Variants in PAX5 observed in about 807,000 individuals in gnomAD.
The protein encoded by PAX5 is paired box 5, also known as paired box protein Pax-5.
In PAX5, 9 loss-of-function variants were observed where a neutral mutation model predicts 43.7. The observed-to-expected ratio is 0.21, with a 90% CI of 0.12 to 0.36. The LOEUF (loss-of-function observed/expected upper bound fraction) is 0.36. PAX5 is among the 10% of genes least tolerant of loss of function. The probability of loss-of-function intolerance (pLI) is 1.00; values close to 1 mark genes in which losing one functional copy is unlikely to be tolerated. For missense variants in PAX5, 383 were observed against 532.7 expected (o/e 0.72, Z 2.77); for synonymous variants, 228 against 214.3 (o/e 1.06, Z -0.56).
chr9:36,984,435 C>CTCTT (rs1836212405), intron 5 of PAX5, among the ~76,000 whole-genome samples: 3 of 66,874 alleles, frequency 4.5e-5, no homozygotes, highest in African/African-American at 6.6e-5. Context: ...TTGAACCTCT[C>CTCTT]TTTTTTTTTT....
chr9:36,862,879 T>C (rs560217895), intron 8 of PAX5, among the ~76,000 whole-genome samples: 1 of 152,178 alleles, frequency 6.6e-6, no homozygotes, highest in South Asian at 2.1e-4. Context: ...TATCTGAAGG[T>C]TAAAAAGGCC....
chr9:36,933,310 G>A (rs919260272), intron 6 of PAX5, among the ~76,000 whole-genome samples: 37 of 152,194 alleles, frequency 2.4e-4, no homozygotes, highest in African/African-American at 8.7e-4. Context: ...ACAGCCAGGA[G>A]CTTACTCTCT....
At chr9:36,907,840 G>T (rs1030631740) in intron 7 of PAX5, among the ~76,000 whole-genome samples, 4 of 152,154 alleles carry the variant, frequency 2.6e-5, no homozygotes, top group Non-Finnish European at 5.9e-5. Flanking sequence ...CTACAGAATG[G>T]ATTAGGAATA....
intron 5 of PAX5, among the ~76,000 whole-genome samples, chr9:36,994,542 C>T (rs1414114867): frequency 6.6e-6 from 1 of 152,230 alleles, no homozygotes; most frequent in Non-Finnish European, 1.5e-5. Flanking sequence ...CCAGGATCTG[C>T]CTCCCATTAG....
chr9:36,844,822 TG>T (rs1368005797), intron 9 of PAX5, among the ~76,000 whole-genome samples: 6 of 152,148 alleles, frequency 3.9e-5, no homozygotes, highest in Admixed American at 3.9e-4. Flanking sequence ...CTCCCCAGCC[TG>T]GCCTTCAAGG....
At chr9:37,005,436 A>T (rs1838308885) in intron 4 of PAX5, among the ~76,000 whole-genome samples, 1 of 152,202 alleles carries the variant, frequency 6.6e-6, no homozygotes. Context: ...CCTTTATCCA[A>T]AGAGCCAACC....
chr9:36,897,318 G>A (rs186221300), intron 7 of PAX5, among the ~76,000 whole-genome samples: 4 of 152,250 alleles, frequency 2.6e-5, no homozygotes, highest in Admixed American at 6.5e-5. Context: ...ACCGGAGCTC[G>A]AAGGATGCTA....
At chr9:36,909,814 A>ATTTTTTTTTTTTTT (rs752114508) in intron 7 of PAX5, among the ~76,000 whole-genome samples, 1 of 91,872 alleles carries the variant, frequency 1.1e-5, no homozygotes, top group Non-Finnish European at 1.9e-5. Flanking sequence ...AGACATTTTA[A>ATTTTTTTTTTTTTT]TTTTTTTTTT....
rs1011804806 is a variant in PAX5 at position 36,955,776 on chromosome 9, A to ATATAT, written c.780+10772_780+10773insATATA. Among the ~76,000 whole-genome samples the ATATAT allele has an allele frequency of 7.0e-3, 513 of 73,720 alleles. 2 individuals are homozygous for ATATAT. The highest frequency in any genetic ancestry group is 0.018 in the African/African-American group (497 of 27,252). 48.4% of individuals were successfully genotyped at this position (73,720 alleles called of 152,430 possible). On this transcript the variant is annotated intron_variant, in intron 6 of 9. Transcript: ENST00000358127. Reference sequence around the variant, plus strand: ...GATTTCCCTCTTTTTGTTTCAAAAAAAAAAAAATATATATATATATATATA... The same window carrying ATATAT: ...GATTTCCCTCTTTTTGTTTCAAAAAATATATAAAAAAATATATATATATATATATA...
chr9:36,924,213 CCCATGAGTCACGCT>C (rs1460782700), intron 6 of PAX5, among the ~76,000 whole-genome samples: 8 of 152,202 alleles, frequency 5.3e-5, no homozygotes, highest in Non-Finnish European at 8.8e-5. Context: ...GTGTATTTAG[CCCATGAGTCACGCT>C]CCTTTCTTTA....
At chr9:36,873,027 C>T (rs1305808905) in intron 8 of PAX5, among the ~76,000 whole-genome samples, 3 of 152,226 alleles carry the variant, frequency 2.0e-5, no homozygotes, top group Non-Finnish European at 4.4e-5. Context: ...GGGCTTCTCA[C>T]GCACTGGTCC....
intron 5 of PAX5, among the ~76,000 whole-genome samples, chr9:36,967,428 A>AAT (rs1834541181): frequency 6.6e-6 from 1 of 152,222 alleles, no homozygotes; most frequent in Non-Finnish European, 1.5e-5. Context: ...AAGACTGGAA[A>AAT]CAACCCAAGA....
chr9:36,917,246 C>A (rs1459794915), intron 7 of PAX5, among the ~76,000 whole-genome samples: 1 of 152,110 alleles, frequency 6.6e-6, no homozygotes. Flanking sequence ...CTCCTGCAGA[C>A]CCCAGGACAG....
intron 5 of PAX5, among the ~76,000 whole-genome samples, chr9:36,979,413 T>C (rs894615369): frequency 1.3e-5 from 2 of 152,226 alleles, no homozygotes; most frequent in African/African-American, 2.4e-5. Context: ...TTGGGCTCTG[T>C]ACCTTATAGG....
intron 6 of PAX5, among the ~76,000 whole-genome samples, chr9:36,946,405 CAG>C (rs1832531519): frequency 1.3e-5 from 2 of 152,164 alleles, no homozygotes; most frequent in African/African-American, 4.8e-5. Flanking sequence ...CAGCTGACCT[CAG>C]TGTGTAGTGC....
At chr9:37,010,991 G>A (rs1362330892) in intron 3 of PAX5, among the ~76,000 whole-genome samples, 1 of 152,030 alleles carries the variant, frequency 6.6e-6, no homozygotes. Flanking sequence ...GCATGGTGGT[G>A]GCACCTGTAG....
At position 36,837,054 on chromosome 9, in the gene PAX5, C is replaced by T. The variant is rs1164546833; in HGVS notation, c.*3506G>A. 2 of 232,550 alleles carry T rather than the reference C, an allele frequency of 8.6e-6. No individual in the cohort carries two copies. Among genetic ancestry groups the T allele is most frequent in the African/African-American group, 4.4e-5 (2 of 45,190 alleles). The allele number at this position is 232,550 out of a possible 1,614,324, so 14.4% of individuals were successfully genotyped here. A position where few individuals can be genotyped will look rare whatever the true frequency, so the allele number is the denominator to read the frequency against. ...TCAGGCCAGCCTCTGGGTCCCTGTT[C>T]TTTCTTGCCTGATTGTGGGTCTGGG... On this transcript the variant is annotated 3_prime_UTR_variant, in exon 10 of 10. Coordinates refer to ENST00000358127, the MANE Select transcript of PAX5 (RefSeq NM_016734.3).
At chr9:36,959,849 C>G (rs1833803023) in intron 6 of PAX5, among the ~76,000 whole-genome samples, 1 of 152,226 alleles carries the variant, frequency 6.6e-6, no homozygotes, top group Non-Finnish European at 1.5e-5. Context: ...TGATCTTGGC[C>G]CCATATTTAC....
intron 7 of PAX5, among the ~76,000 whole-genome samples, chr9:36,885,433 A>T (rs776072199): frequency 7.2e-5 from 11 of 152,148 alleles, no homozygotes; most frequent in Non-Finnish European, 1.6e-4. Context: ...TAAAATGGGG[A>T]GGATAATAGC....
Sources: allele counts gnomAD v4.1 joint callset (sites outside exome capture counted in the v4.1 genomes callset), GRCh38; gene constraint gnomAD v4.1.1; transcripts MANE v1.5; gene names NCBI Gene and HGNC (gene_info 2026-07-23, HGNC 2026-07-21).